The following CYB5B variants were observed in gnomAD, a reference collection of about 807,000 sequenced individuals.
CYB5B encodes cytochrome b5 type B (outer mitochondrial membrane).
Under a neutral mutation model 21.3 loss-of-function variants are expected in CYB5B, and 14 were observed. The observed-to-expected ratio is 0.66, with a 90% confidence interval of 0.43 to 1.03. The LOEUF is 1.03. Ranked by LOEUF, CYB5B falls within the 50% of genes least tolerant of loss-of-function variation. The probability of loss-of-function intolerance (pLI) is 0.00; values close to 1 mark genes in which losing one functional copy is unlikely to be tolerated. For missense variants in CYB5B, 166 were observed against 185.1 expected (o/e 0.90, Z 0.60); for synonymous variants, 69 against 68.4 (o/e 1.01, Z -0.04).
chr16:69,456,295 G>A (rs1168175102), intron 3 of CYB5B, among the ~76,000 whole-genome samples: 1 of 152,066 alleles, frequency 6.6e-6, no homozygotes, highest in Non-Finnish European at 1.5e-5. Flanking sequence ...TGTGAACCAA[G>A]GTGCCCAGCC....
intron 3 of CYB5B, among the ~76,000 whole-genome samples, chr16:69,453,393 TA>T (rs1336617054): frequency 6.6e-6 from 1 of 152,216 alleles, no homozygotes; most frequent in Non-Finnish European, 1.5e-5. Context: ...TACATCAAAT[TA>T]AAAATTTTAT....
At position 69,427,993 on chromosome 16, in the gene CYB5B, CA is replaced by C. The variant is rs71151104; in HGVS notation, c.174+3153del. 4.1e-3 allele frequency among the ~76,000 whole-genome samples: 413 copies of C among 100,940 alleles called. 1 individual carries two copies. Among genetic ancestry groups the C allele is most frequent in the Middle Eastern group, 5.1e-3 (1 of 196 alleles). 66.2% of individuals were successfully genotyped at this position (100,940 alleles called of 152,430 possible). A position where few individuals can be genotyped will look rare whatever the true frequency, so the allele number is the denominator to read the frequency against. The stretch of plus-strand genomic sequence containing the variant: ...CCTGGGCGACAGTCAGACTCTGTCT[CA>C]AAAAAAAAAAAAAAAAGAATTGGGG... On this transcript the variant is annotated intron_variant, in intron 1 of 4. Transcript: ENST00000307892.
At chr16:69,443,014 T>C (rs1005185871) in intron 1 of CYB5B, among the ~76,000 whole-genome samples, 4 of 152,262 alleles carry the variant, frequency 2.6e-5, no homozygotes, top group East Asian at 1.9e-4. Flanking sequence ...AGTGGTGCGA[T>C]TGTGGCTCAC....
At position 69,463,546 on chromosome 16, in the gene CYB5B, T is replaced by C. The variant is rs1056739240; in HGVS notation, c.*1026T>C. ...AAATATAAATGTATAATTATGTTTG[T>C]AGAGCTTTACCAAGGAGTTTCCCTC... On this transcript the variant is annotated 3_prime_UTR_variant, in exon 5 of 5. Coordinates refer to ENST00000307892, the MANE Select transcript of CYB5B (RefSeq NM_030579.3). 3 of 152,238 alleles carry C rather than the reference T, an allele frequency of 2.0e-5. No homozygotes were observed. The highest frequency in any genetic ancestry group is 2.0e-4 in the Admixed American group (3 of 15,286). The allele number at this position is 152,238 out of a possible 1,614,324, so 9.4% of individuals were successfully genotyped here.
chr16:69,424,633 G>T lies in CYB5B; in HGVS notation c.-51G>T, dbSNP rs1363047804. 4.0e-6 allele frequency: 6 copies of T among 1,490,942 alleles called. No homozygotes were observed. Among genetic ancestry groups the T allele is most frequent in the African/African-American group, 1.4e-5 (1 of 70,282 alleles). 92.4% of individuals were successfully genotyped at this position (1,490,942 alleles called of 1,614,324 possible). A position where few individuals can be genotyped will look rare whatever the true frequency, so the allele number is the denominator to read the frequency against. On this transcript the variant is annotated 5_prime_UTR_variant, in exon 1 of 5. Coordinates refer to ENST00000307892, the MANE Select transcript of CYB5B (RefSeq NM_030579.3). ...CGGAAGCCGAGGAAGGCTGAGCGCG[G>T]GCTCTCAAGGAAAGTAGTCGCGGAA... is the stretch of plus-strand genomic sequence containing the variant.
chr16:69,433,434 A>G (rs917378163), intron 1 of CYB5B, among the ~76,000 whole-genome samples: 3 of 152,070 alleles, frequency 2.0e-5, no homozygotes, highest in Admixed American at 6.5e-5. Context: ...CTCTTTTTTT[A>G]CACAAAAGAT....
chr16:69,458,342 C>G (rs556507727), intron 3 of CYB5B, among the ~76,000 whole-genome samples: 197 of 152,244 alleles, frequency 1.3e-3, no homozygotes, highest in African/African-American at 4.4e-3. Flanking sequence ...CACTACTAAT[C>G]TACTTCTAAC....
intron 1 of CYB5B, among the ~76,000 whole-genome samples, chr16:69,440,406 C>T (rs901797279): frequency 2.6e-5 from 4 of 152,160 alleles, no homozygotes; most frequent in Admixed American, 1.3e-4. Context: ...TAAGATGTCA[C>T]TGTAGTAAGT....
At position 69,443,088 on chromosome 16, in the gene CYB5B, A is replaced by G. The variant is rs2014841936; in HGVS notation, c.175-4062A>G. ...ATAGTTGGGATTACAGGTGAGCGCC[A>G]GCATACCCAGCTAATTTTTGTACTT... On this transcript the variant is annotated intron_variant, in intron 1 of 4. Transcript: ENST00000307892. Among the ~76,000 whole-genome samples, 4 of 151,994 alleles carry G rather than the reference A, an allele frequency of 2.6e-5. No homozygotes were observed. The South Asian group carries it at 8.3e-4, about 32-fold the overall frequency.
At chr16:69,454,090 G>A (rs2014960837) in intron 3 of CYB5B, among the ~76,000 whole-genome samples, 1 of 152,134 alleles carries the variant, frequency 6.6e-6, no homozygotes, top group Admixed American at 6.5e-5. Context: ...GCCCTCCAAT[G>A]TTATAACAAA....
rs781139329 is a variant in CYB5B at position 69,462,502 on chromosome 16, G to A, written c.435G>A (p.Ser145=). The change falls in exon 5 of 5, where the codon TCG becomes TCA. Residue 145 remains serine (S), a synonymous_variant. Coordinates refer to ENST00000307892, the MANE Select transcript of CYB5B (RefSeq NM_030579.3). ...GTTTCCTGTACCGCTACTACACATC[G>A]GAAAGCAAATCCTCCTGAGGAGGCC... ...LLGFLYRYYT[S]ESKSS 4.1e-5 allele frequency: 66 copies of A among 1,613,892 alleles called. No homozygotes were observed. The highest frequency in any genetic ancestry group is 6.7e-5 in the East Asian group (3 of 44,890).
intron 1 of CYB5B, among the ~76,000 whole-genome samples, chr16:69,446,135 A>C (rs527480011): frequency 6.6e-6 from 1 of 152,208 alleles, no homozygotes; most frequent in African/African-American, 2.4e-5. Flanking sequence ...TCTGGAGTGC[A>C]AAGTGTTTTA....
chr16:69,437,346 A>G (rs920485855), intron 1 of CYB5B, among the ~76,000 whole-genome samples: 6 of 152,202 alleles, frequency 3.9e-5, no homozygotes, highest in African/African-American at 1.4e-4. Flanking sequence ...TTGCAAATTC[A>G]CAAGAGGTTT....
Position 69,465,994 on chromosome 16 carries a change from T to G in CYB5B, c.*3474T>G, listed in dbSNP as rs1261419962. On this transcript the variant is annotated 3_prime_UTR_variant, in exon 5 of 5. Coordinates refer to ENST00000307892, the MANE Select transcript of CYB5B (RefSeq NM_030579.3). ...TACCCTATATCCAGCATCCTCCTCA[T>G]GAGCTTCAGTAGCTGCTCTTTGCCC... The G allele has an allele frequency of 6.6e-6, 1 of 152,654 alleles. No homozygotes were observed. The highest frequency in any genetic ancestry group is 2.4e-5 in the African/African-American group (1 of 41,454). 9.5% of individuals were successfully genotyped at this position (152,654 alleles called of 1,614,324 possible). A position where few individuals can be genotyped will look rare whatever the true frequency, so the allele number is the denominator to read the frequency against.
At chr16:69,425,359 T>A (rs199757093) in intron 1 of CYB5B, among the ~76,000 whole-genome samples, 2,882 of 151,762 alleles carry the variant, frequency 0.019, 39 homozygotes, top group Non-Finnish European at 0.029. Flanking sequence ...TCCACTGTTT[T>A]TTTTTCCCCC....
intron 3 of CYB5B, among the ~76,000 whole-genome samples, chr16:69,457,193 TTTC>T (rs2014991845): frequency 6.6e-6 from 1 of 152,226 alleles, no homozygotes; most frequent in Admixed American, 6.5e-5. Flanking sequence ...CTTTGTTCTC[TTTC>T]TTCTTCAGTT....
chr16:69,432,284 A>G (rs1434990642), intron 1 of CYB5B, among the ~76,000 whole-genome samples: 1 of 152,204 alleles, frequency 6.6e-6, no homozygotes, highest in Admixed American at 6.5e-5. Flanking sequence ...TGACTTTACC[A>G]TGGTGTGAAA....
intron 3 of CYB5B, among the ~76,000 whole-genome samples, chr16:69,456,160 G>T (rs549263015): frequency 6.6e-6 from 1 of 151,960 alleles, no homozygotes; most frequent in South Asian, 2.1e-4. Context: ...TTATTTTTGA[G>T]ACAGGGTCTT....
chr16:69,426,315 C>T, intron 1 of CYB5B, among the ~76,000 whole-genome samples: 1 of 150,702 alleles, frequency 6.6e-6, no homozygotes, highest in East Asian at 1.9e-4. Flanking sequence ...AGGAGAATGG[C>T]GTGAACCCGG....
Sources: allele counts gnomAD v4.1 joint callset (sites outside exome capture counted in the v4.1 genomes callset), GRCh38; gene constraint gnomAD v4.1.1; transcripts MANE v1.5; gene names NCBI Gene and HGNC (gene_info 2026-07-23, HGNC 2026-07-21).